The following KCNAB1 variants were observed in gnomAD, a reference collection of about 807,000 sequenced individuals.
KCNAB1 encodes voltage-gated potassium channel subunit beta-1.
Under a neutral mutation model 64.6 loss-of-function variants are expected in KCNAB1, and 35 were observed. The ratio of observed to expected loss-of-function variants is 0.54; its 90% CI spans 0.41 to 0.72. The LOEUF (loss-of-function observed/expected upper bound fraction) is 0.72. Ranked by LOEUF, KCNAB1 falls within the 30% of genes least tolerant of loss-of-function variation. The pLI, the probability that KCNAB1 is intolerant of heterozygous loss-of-function variation, is 0.00. For missense variants in KCNAB1, 401 were observed against 512.9 expected, an observed-to-expected ratio of 0.78 and a Z score of 2.11; for synonymous variants, 177 against 183.8, an observed-to-expected ratio of 0.96 and a Z score of 0.30.
At chr3:156,170,643 C>A (rs986954255) in intron 1 of KCNAB1, among the ~76,000 whole-genome samples, 3 of 152,196 alleles carry the variant, frequency 2.0e-5, no homozygotes, top group African/African-American at 7.2e-5. Flanking sequence ...CCCTACAATT[C>A]ATGGGTTACA....
chr3:156,513,325 G>A (rs1033613883), intron 8 of KCNAB1, among the ~76,000 whole-genome samples: 1 of 151,688 alleles, frequency 6.6e-6, no homozygotes, highest in South Asian at 2.1e-4. Context: ...TCTAGACAGT[G>A]CCTGCTCATG....
chr3:156,185,525 A>G (rs2108352803), intron 1 of KCNAB1, among the ~76,000 whole-genome samples: 1 of 152,354 alleles, frequency 6.6e-6, no homozygotes, highest in East Asian at 1.9e-4. Flanking sequence ...GGAAGATTTC[A>G]TAAGGAAATG....
At chr3:156,187,049 T>G (rs1210954282) in intron 1 of KCNAB1, among the ~76,000 whole-genome samples, 14 of 152,110 alleles carry the variant, frequency 9.2e-5, no homozygotes, top group Non-Finnish European at 1.5e-5. Context: ...AGACAGGTTC[T>G]CCCTATGTTG....
intron 8 of KCNAB1, among the ~76,000 whole-genome samples, chr3:156,503,010 C>G (rs192650040): frequency 3.6e-4 from 55 of 152,310 alleles, no homozygotes; most frequent in African/African-American, 1.1e-3. Context: ...GCACTATTCA[C>G]AAATCCTATA....
At chr3:156,205,632 C>G (rs895795943) in intron 1 of KCNAB1, among the ~76,000 whole-genome samples, 6 of 152,168 alleles carry the variant, frequency 3.9e-5, no homozygotes, top group African/African-American at 1.2e-4. Flanking sequence ...ACACCTAGCT[C>G]TCTCCCTAAA....
intron 13 of KCNAB1, among the ~76,000 whole-genome samples, chr3:156,531,840 T>C (rs908436390): frequency 1.3e-5 from 2 of 152,236 alleles, no homozygotes; most frequent in African/African-American, 4.8e-5. Context: ...ATTTACTTGT[T>C]TGTTCTTTCC....
At chr3:156,466,531 T>C (rs1713387591) in intron 7 of KCNAB1, among the ~76,000 whole-genome samples, 1 of 151,932 alleles carries the variant, frequency 6.6e-6, no homozygotes, top group Non-Finnish European at 1.5e-5. Context: ...ATATATTTTA[T>C]TTCAATAGCT....
intron 11 of KCNAB1, among the ~76,000 whole-genome samples, chr3:156,517,622 A>G (rs1423643303): frequency 3.9e-5 from 6 of 152,140 alleles, no homozygotes; most frequent in Admixed American, 6.6e-5. Flanking sequence ...TTACAATTTT[A>G]CTAAGTACCT....
intron 1 of KCNAB1, chr3:156,176,131 A>G: frequency 1.3e-6 from 1 of 769,158 alleles, no homozygotes; most frequent in East Asian, 2.4e-5. Flanking sequence ...AAATGGCCAG[A>G]CATCCCAGAC....
intron 13 of KCNAB1, among the ~76,000 whole-genome samples, chr3:156,533,181 G>C (rs566408063): frequency 1.6e-4 from 24 of 152,324 alleles, no homozygotes; most frequent in African/African-American, 5.8e-4. Context: ...GGGCTATTAA[G>C]TAAATAAATG....
intron 1 of KCNAB1, among the ~76,000 whole-genome samples, chr3:156,402,144 T>C (rs1478316018): frequency 6.8e-6 from 1 of 147,434 alleles, no homozygotes; most frequent in East Asian, 1.9e-4. Flanking sequence ...GAACTTAAAG[T>C]ATAATTTAAA....
intron 2 of KCNAB1, among the ~76,000 whole-genome samples, chr3:156,447,288 A>G (rs1711635754): frequency 6.6e-6 from 1 of 152,194 alleles, no homozygotes; most frequent in Admixed American, 6.5e-5. Context: ...TATTTGTAAA[A>G]TTAACATTTA....
At chr3:156,507,386 G>T (rs1716896056) in intron 8 of KCNAB1, among the ~76,000 whole-genome samples, 1 of 152,152 alleles carries the variant, frequency 6.6e-6, no homozygotes, top group African/African-American at 2.4e-5. Context: ...CCTAATACAT[G>T]CTCTGTAAGG....
At chr3:156,420,560 T>G (rs1437693736) in intron 1 of KCNAB1, among the ~76,000 whole-genome samples, 1 of 152,202 alleles carries the variant, frequency 6.6e-6, no homozygotes. Context: ...GCCACCAATT[T>G]GGAAGTTTTA....
intron 1 of KCNAB1, among the ~76,000 whole-genome samples, chr3:156,333,898 A>G (rs1156550019): frequency 6.6e-6 from 1 of 151,970 alleles, no homozygotes; most frequent in Non-Finnish European, 1.5e-5. Context: ...GAATGTGTTC[A>G]TTTTTCAATT....
chr3:156,351,291 C>T (rs1007965215), intron 1 of KCNAB1, among the ~76,000 whole-genome samples: 28 of 152,302 alleles, frequency 1.8e-4, no homozygotes, highest in Middle Eastern at 3.4e-3. Flanking sequence ...AAACAGACAG[C>T]TCTGTGATAA....
At chr3:156,194,269 G>A (rs1479498570) in intron 1 of KCNAB1, among the ~76,000 whole-genome samples, 1 of 151,630 alleles carries the variant, frequency 6.6e-6, no homozygotes, top group Non-Finnish European at 1.5e-5. Flanking sequence ...AGTGTTGCAA[G>A]TCTGATGATG....
intron 1 of KCNAB1, among the ~76,000 whole-genome samples, chr3:156,319,205 C>T (rs1209738469): frequency 1.3e-5 from 2 of 152,146 alleles, no homozygotes; most frequent in Non-Finnish European, 2.9e-5. Flanking sequence ...GTGAAATAAG[C>T]TCTCCTTTCC....
At chr3:156,126,473 C>T (rs573090388) in intron 1 of KCNAB1, among the ~76,000 whole-genome samples, 2 of 152,272 alleles carry the variant, frequency 1.3e-5, no homozygotes, top group African/African-American at 4.8e-5. Flanking sequence ...GTGTGTAATA[C>T]AAATAATAGA....
Sources: gnomAD v4.1 joint callset for allele counts (sites outside exome capture counted in the v4.1 genomes callset) on GRCh38, gnomAD v4.1.1 for gene constraint, MANE v1.5 for transcripts, NCBI Gene and HGNC (gene_info 2026-07-23, HGNC 2026-07-21) for gene names.